Variants in CORO1B observed in about 807,000 individuals in gnomAD.
CORO1B encodes the protein coronin 1B.
CORO1B carries 30 observed loss-of-function variants against 51.1 expected under a neutral mutation model. The ratio of observed to expected loss-of-function variants is 0.59; its 90% CI spans 0.44 to 0.80. The LOEUF (loss-of-function observed/expected upper bound fraction) is 0.80. CORO1B is among the 30% of genes least tolerant of loss of function. CORO1B has a pLI of 0.00. For synonymous variants in CORO1B, 310 were observed against 289.7 expected (o/e 1.07, Z -0.71); for missense variants, 648 against 700.4 (o/e 0.93, Z 0.84).
Position 67,437,696 on chromosome 11 carries a change from G to A in CORO1B, c.*680C>T, listed in dbSNP as rs960448706. The A allele has an allele frequency of 1.7e-5, 23 of 1,323,682 alleles. No individual in the cohort carries two copies. The highest frequency in any genetic ancestry group is 2.0e-4 in the Middle Eastern group (1 of 4,960). 82.0% of individuals were successfully genotyped at this position (1,323,682 alleles called of 1,614,324 possible). A position where few individuals can be genotyped will look rare whatever the true frequency, so the allele number is the denominator to read the frequency against. On this transcript the variant is annotated 3_prime_UTR_variant, in exon 11 of 11. Coordinates refer to ENST00000341356, the MANE Select transcript of CORO1B (RefSeq NM_020441.3). ...CGAGCGAGAAGTGAGCTCAGTGCTC[G>A]TCTGCAGTGAAGGGTGGCCCAGGCT... is the stretch of plus-strand genomic sequence containing the variant.
rs1360395549 is a variant in CORO1B, at chr11:67,437,564, C to T, written c.*812G>A. On this transcript the variant is annotated 3_prime_UTR_variant, in exon 11 of 11. Coordinates refer to ENST00000341356, the MANE Select transcript of CORO1B (RefSeq NM_020441.3). Reference sequence around the variant, plus strand: ...AGCTCCACAGGCCCAGACATTCTAGCCCCGACCGCCTGTGGCCCCCATCCC... The same window carrying T: ...AGCTCCACAGGCCCAGACATTCTAGTCCCGACCGCCTGTGGCCCCCATCCC... 7.5e-7 allele frequency: 1 copy of T among 1,338,014 alleles called. No homozygotes were observed. The highest frequency in any genetic ancestry group is 2.4e-5 in the South Asian group (1 of 41,606). 82.9% of individuals were successfully genotyped at this position (1,338,014 alleles called of 1,614,324 possible).
intron 10 of CORO1B, 71 bp downstream of exon 10, chr11:67,438,600 G>A: frequency 2.0e-6 from 3 of 1,532,212 alleles, no homozygotes; most frequent in Non-Finnish European, 2.6e-6. Flanking sequence ...ACAGCGAATG[G>A]CTGAAGCCCA....
chr11:67,436,663 C>G lies in CORO1B; in HGVS notation c.*1713G>C. The G allele has an allele frequency of 3.2e-6, 1 of 310,960 alleles. No individual in the cohort carries two copies. The highest frequency in any genetic ancestry group is 5.9e-6 in the Non-Finnish European group (1 of 168,556). 19.3% of individuals were successfully genotyped at this position (310,960 alleles called of 1,614,324 possible). A position where few individuals can be genotyped will look rare whatever the true frequency, so the allele number is the denominator to read the frequency against. ...TCCTCCCATCCTCCCCTCCCCCGGG[C>G]TGCATGGCCTGCTCACCGTGCTCAA... On this transcript the variant is annotated 3_prime_UTR_variant, in exon 11 of 11. Transcript: ENST00000341356.
Position 67,441,200 on chromosome 11 carries a change from G to A in CORO1B, c.681C>T (p.Ile227=), listed in dbSNP as rs910608591. 8 of 1,613,060 alleles carry A rather than the reference G, an allele frequency of 5.0e-6. No individual in the cohort carries two copies. The African/African-American group carries it at 1.1e-4, about 22-fold the overall frequency. Residue 227 remains isoleucine (I), a synonymous_variant, in exon 6 of 11, where the codon ATC becomes ATT. Transcript: ENST00000341356. ...TGAACACCTTGCCATCTGCCAGGAA[G>A]ATGGCCCGCATGGGCCGGGCCCCCT... ...AHEGARPMRA[I]FLADGKVFTT...
Position 67,436,330 on chromosome 11 carries a change from C to T in CORO1B, c.*2046G>A. ...CTGGCAGGGCCAGCAGCATCCCGAG[C>T]CCTAAGGTGCAGGGCAGAGCCTGTG... is the stretch of plus-strand genomic sequence containing the variant. On this transcript the variant is annotated 3_prime_UTR_variant, in exon 11 of 11. Coordinates refer to ENST00000341356, the MANE Select transcript of CORO1B (RefSeq NM_020441.3). The T allele has an allele frequency of 4.0e-6, 6 of 1,502,076 alleles. No homozygotes were observed. The highest frequency in any genetic ancestry group is 5.3e-6 in the Non-Finnish European group (6 of 1,127,192). The allele number at this position is 1,502,076 out of a possible 1,614,324, so 93.0% of individuals were successfully genotyped here. A position where few individuals can be genotyped will look rare whatever the true frequency, so the allele number is the denominator to read the frequency against.
rs1248842396 is a variant in CORO1B, at chr11:67,439,978, C to T, written c.1008-135G>A. 2.7e-6 allele frequency: 4 copies of T among 1,458,216 alleles called. No individual in the cohort carries two copies. The Admixed American group carries it at 7.7e-5, about 28-fold the overall frequency. The allele number at this position is 1,458,216 out of a possible 1,614,324, so 90.3% of individuals were successfully genotyped here. On this transcript the variant is annotated intron_variant, in intron 8 of 10. Coordinates refer to ENST00000341356, the MANE Select transcript of CORO1B (RefSeq NM_020441.3). ...CCGACCCCTAAGGTGGCTAGACCCCCACACGGGCTGCCTCGTGACAGTTCT... is the reference window on the plus strand; with the variant it reads ...CCGACCCCTAAGGTGGCTAGACCCCTACACGGGCTGCCTCGTGACAGTTCT...
Position 67,443,130 on chromosome 11 carries a change from C to T in CORO1B, c.-3+274G>A, listed in dbSNP as rs540906593. Among the ~76,000 whole-genome samples, 5 of 152,298 alleles carry T rather than the reference C, an allele frequency of 3.3e-5. No individual in the cohort carries two copies. The South Asian group carries it at 1.0e-3, about 32-fold the overall frequency. On this transcript the variant is annotated intron_variant, in intron 1 of 10. Coordinates refer to ENST00000341356, the MANE Select transcript of CORO1B (RefSeq NM_020441.3). Reference sequence around the variant, plus strand: ...GTCCAGGGAGCCCCGGCATGGCCCCCAGGAAGGGACGGGGTCGGGACGCAG... The same window carrying T: ...GTCCAGGGAGCCCCGGCATGGCCCCTAGGAAGGGACGGGGTCGGGACGCAG...
rs749513920 is a variant in CORO1B at position 67,438,733 on chromosome 11, C to T, written c.1282G>A (p.Ala428Thr). Residue 428 changes from alanine to threonine, a missense_variant, in exon 10 of 11, where the codon GCC (alanine) becomes ACC (threonine). Physicochemically the swap from Ala to Thr is moderately conservative, Grantham distance 58. Transcript: ENST00000341356. ...AMAPGSSHLG[A>T]PASTTTAADA... is the part of the protein sequence containing the mutation. ...GCAGCAGTGGTGGTGGAGGCGGGGGCCCCTAGGTGGGAGGAGCCCGGGGCC... is the reference window on the plus strand; with the variant it reads ...GCAGCAGTGGTGGTGGAGGCGGGGGTCCCTAGGTGGGAGGAGCCCGGGGCC... 8 of 1,534,398 alleles carry T rather than the reference C, an allele frequency of 5.2e-6. No individual in the cohort carries two copies. The highest frequency in any genetic ancestry group is 4.5e-4 in the Middle Eastern group (2 of 4,418).
Position 67,438,880 on chromosome 11 carries a change from A to C in CORO1B, c.1135T>G (p.Trp379Gly). The part of the protein sequence containing the change: ...GPEAALEAEE[W>G]VSGRDADPIL... ...GGGTCGGCATCCCGCCCGCTCACCCACTCCTCAGCCTCCAGGGCTGCCTCG... is the reference window on the plus strand; with the variant it reads ...GGGTCGGCATCCCGCCCGCTCACCCCCTCCTCAGCCTCCAGGGCTGCCTCG... The change falls in exon 10 of 11, where the codon TGG (tryptophan) becomes GGG (glycine). Residue 379 changes from tryptophan (W) to glycine (G), a missense_variant. By Grantham distance (184) the Trp-to-Gly change is radical. Coordinates refer to ENST00000341356, the MANE Select transcript of CORO1B (RefSeq NM_020441.3). 1 of 1,608,274 alleles carries C rather than the reference A, an allele frequency of 6.2e-7. No homozygotes were observed. The highest frequency in any genetic ancestry group is 8.5e-7 in the Non-Finnish European group (1 of 1,178,716).
chr11:67,435,709 G>T lies in CORO1B; in HGVS notation c.*2667C>A. On this transcript the variant is annotated 3_prime_UTR_variant, in exon 11 of 11. Coordinates refer to ENST00000341356, the MANE Select transcript of CORO1B (RefSeq NM_020441.3). ...GCACGGGGAGTGAGCGGCTGTGACA[G>T]GGATGGGACACCAAGACCGGCCTCT... 1 of 1,500,962 alleles carries T rather than the reference G, an allele frequency of 6.7e-7. No homozygotes were observed. 93.0% of individuals were successfully genotyped at this position (1,500,962 alleles called of 1,614,324 possible).
chr11:67,437,638 G>A lies in CORO1B; in HGVS notation c.*738C>T. ...TTACCATTGGTCCGCAGGCCCCTCC[G>A]TGCCGGGCACCCACCTCCAGCTCTG... On this transcript the variant is annotated 3_prime_UTR_variant, in exon 11 of 11. Coordinates refer to ENST00000341356, the MANE Select transcript of CORO1B (RefSeq NM_020441.3). 7.3e-7 allele frequency: 1 copy of A among 1,366,532 alleles called. No individual in the cohort carries two copies. Among genetic ancestry groups the A allele is most frequent in the Non-Finnish European group, 9.5e-7 (1 of 1,051,274 alleles). 84.7% of individuals were successfully genotyped at this position (1,366,532 alleles called of 1,614,324 possible).
Position 67,435,816 on chromosome 11 carries a change from G to C in CORO1B, c.*2560C>G, listed in dbSNP as rs377555679. 1 of 1,603,742 alleles carries C rather than the reference G, an allele frequency of 6.2e-7. No individual in the cohort carries two copies. The highest frequency in any genetic ancestry group is 8.5e-7 in the Non-Finnish European group (1 of 1,176,454). ...GCTGCGCTGCCAGCAAAGGCGTGCA[G>C]GTCACTCAGCAGGGCCTCAGCACTG... On this transcript the variant is annotated 3_prime_UTR_variant, in exon 11 of 11. Coordinates refer to ENST00000341356, the MANE Select transcript of CORO1B (RefSeq NM_020441.3).
Position 67,441,386 on chromosome 11 carries a change from A to G in CORO1B, c.583T>C (p.Cys195Arg), listed in dbSNP as rs957684077. The change falls in exon 5 of 11, where the codon TGC (cysteine) becomes CGC (arginine). Residue 195 changes from cysteine to arginine, a missense_variant. Coordinates refer to ENST00000341356, the MANE Select transcript of CORO1B (RefSeq NM_020441.3). Reference sequence around the variant, plus strand: ...ATGATGCGCACGCTCTTGTCCTTGCATGCTGAGCAAAACAGGCTGCCATTG... The same window carrying G: ...ATGATGCGCACGCTCTTGTCCTTGCGTGCTGAGCAAAACAGGCTGCCATTG... ...NHNGSLFCSACKDKSVRIIDP... is the reference protein window; with the variant it reads ...NHNGSLFCSARKDKSVRIIDP... 5 of 1,613,696 alleles carry G rather than the reference A, an allele frequency of 3.1e-6. No homozygotes were observed. Among genetic ancestry groups the G allele is most frequent in the Non-Finnish European group, 4.2e-6 (5 of 1,180,026 alleles).
In CORO1B at chr11:67,438,467, A is replaced by G; in HGVS notation, c.1379T>C (p.Leu460Pro). 3.1e-6 allele frequency: 5 copies of G among 1,610,712 alleles called. No individual in the cohort carries two copies. The highest frequency in any genetic ancestry group is 4.2e-6 in the Non-Finnish European group (5 of 1,178,392). The change falls in exon 11 of 11, where the codon CTG (leucine) becomes CCG (proline). Residue 460 changes from leucine to proline, a missense_variant. Leu to Pro is a moderately conservative substitution (Grantham distance 98, BLOSUM62 -3). Coordinates refer to ENST00000341356, the MANE Select transcript of CORO1B (RefSeq NM_020441.3). ...AGKLEEVMQE[L>P]RALRALVKEQ... ...CTTGACCAGCGCCCTCAGGGCCCGC[A>G]GCTCCTGCATCACCTCCTCCAGCTT...
Position 67,438,881 on chromosome 11 carries a change from C to G in CORO1B, c.1134G>C (p.Glu378Asp), listed in dbSNP as rs1317450360. ...AGPEAALEAEEWVSGRDADPI... is the reference protein window; with the variant it reads ...AGPEAALEAEDWVSGRDADPI... ...GGTCGGCATCCCGCCCGCTCACCCA[C>G]TCCTCAGCCTCCAGGGCTGCCTCGG... Residue 378 changes from glutamate to aspartate, a missense_variant, in exon 10 of 11, where the codon GAG becomes GAC. By Grantham distance (45) the Glu-to-Asp change is conservative (BLOSUM62 2). Coordinates refer to ENST00000341356, the MANE Select transcript of CORO1B (RefSeq NM_020441.3). 6 of 1,608,634 alleles carry G rather than the reference C, an allele frequency of 3.7e-6. No homozygotes were observed. The highest frequency in any genetic ancestry group is 1.3e-5 in the African/African-American group (1 of 74,916).
At position 67,435,980 on chromosome 11, in the gene CORO1B, G is replaced by A; in HGVS notation, c.*2396C>T. The A allele has an allele frequency of 1.2e-6, 2 of 1,613,726 alleles. No individual in the cohort carries two copies. Among genetic ancestry groups the A allele is most frequent in the Non-Finnish European group, 1.7e-6 (2 of 1,179,926 alleles). On this transcript the variant is annotated 3_prime_UTR_variant, in exon 11 of 11. Coordinates refer to ENST00000341356, the MANE Select transcript of CORO1B (RefSeq NM_020441.3). Reference sequence around the variant, plus strand: ...TTGCTGCTCGCCTTCCCCAGGGTCAGCCTGCAGGCCACCATCCGCGACGTG... The same window carrying A: ...TTGCTGCTCGCCTTCCCCAGGGTCAACCTGCAGGCCACCATCCGCGACGTG...
Position 67,439,810 on chromosome 11 carries a change from G to C in CORO1B, c.1041C>G (p.Pro347=). The change falls in exon 9 of 11, where the codon CCC becomes CCG. Residue 347 remains proline, a synonymous_variant. Coordinates refer to ENST00000341356, the MANE Select transcript of CORO1B (RefSeq NM_020441.3). The part of the protein sequence containing the change: ...FYKLHERKCE[P]IVMTVPRKSD... The stretch of plus-strand genomic sequence containing the variant: ...CCTTTCTTGGCACAGTCATGACGAT[G>C]GGCTCACACTTGCGCTCATGCAGTT... The C allele has an allele frequency of 6.3e-7, 1 of 1,590,490 alleles. No homozygotes were observed. Among genetic ancestry groups the C allele is most frequent in the Non-Finnish European group, 8.6e-7 (1 of 1,168,980 alleles).
Position 67,437,362 on chromosome 11 carries a change from A to G in CORO1B, c.*1014T>C. 2.5e-6 allele frequency: 1 copy of G among 395,234 alleles called. No individual in the cohort carries two copies. Among genetic ancestry groups the G allele is most frequent in the Non-Finnish European group, 4.5e-6 (1 of 222,658 alleles). The allele number at this position is 395,234 out of a possible 1,614,324, so 24.5% of individuals were successfully genotyped here. A position where few individuals can be genotyped will look rare whatever the true frequency, so the allele number is the denominator to read the frequency against. ...TCCAGGAATGCAAGTTCCCGCTCACAGGAAGACCAGGTAAGGGCCTTCCCA... is the reference window on the plus strand; with the variant it reads ...TCCAGGAATGCAAGTTCCCGCTCACGGGAAGACCAGGTAAGGGCCTTCCCA... On this transcript the variant is annotated 3_prime_UTR_variant, in exon 11 of 11. Transcript: ENST00000341356.
rs1590988793 is a variant in CORO1B at position 67,443,467 on chromosome 11, T to C, written c.-66A>G. 5 of 985,930 alleles carry C rather than the reference T, an allele frequency of 5.1e-6. No homozygotes were observed. The highest frequency in any genetic ancestry group is 6.0e-6 in the Non-Finnish European group (5 of 829,996). The allele number at this position is 985,930 out of a possible 1,614,324, so 61.1% of individuals were successfully genotyped here. On this transcript the variant is annotated 5_prime_UTR_variant, in exon 1 of 11. Transcript: ENST00000341356. Reference sequence around the variant, plus strand: ...TCGGGCGGCTCCGGATCCCGGCCTCTGGGAAGCAGGAAGCAGGATTCAGGA... The same window carrying C: ...TCGGGCGGCTCCGGATCCCGGCCTCCGGGAAGCAGGAAGCAGGATTCAGGA...
Sources: gnomAD v4.1 joint callset for allele counts (sites outside exome capture counted in the v4.1 genomes callset) on GRCh38, gnomAD v4.1.1 for gene constraint, MANE v1.5 for transcripts, NCBI Gene and HGNC (gene_info 2026-07-23, HGNC 2026-07-21) for gene names.